The following USH2A variants were observed in gnomAD, a reference collection of about 807,000 sequenced individuals.
USH2A encodes usherin, also known as Usher syndrome 2A (autosomal recessive, mild).
In USH2A, 443 loss-of-function variants were observed where a neutral mutation model predicts 538.9. That is an observed-to-expected ratio of 0.82 (90% CI 0.76 to 0.89). The LOEUF is 0.89. USH2A is among the 40% of genes least tolerant of loss of function. The pLI, the probability that USH2A is intolerant of heterozygous loss-of-function variation, is 0.00. For missense variants in USH2A, 6,633 were observed against 6,324.8 expected (o/e 1.05, Z -1.65); for synonymous variants, 2,413 against 2,273.5 (o/e 1.06, Z -1.75).
intron 64 of USH2A, among the ~76,000 whole-genome samples, chr1:215,669,701 C>A (rs781549035): frequency 3.9e-5 from 6 of 152,074 alleles, no homozygotes; most frequent in African/African-American, 1.4e-4. Flanking sequence ...CTTGGAATTG[C>A]AAACAAGGGA....
At chr1:215,715,748 C>G (rs567776769) in intron 61 of USH2A, among the ~76,000 whole-genome samples, 16 of 152,278 alleles carry the variant, frequency 1.1e-4, no homozygotes, top group African/African-American at 3.6e-4. Context: ...CTGGCATTTA[C>G]TTGTTTTTTA....
At chr1:216,353,952 G>A (rs2038333791) in intron 4 of USH2A, among the ~76,000 whole-genome samples, 1 of 151,946 alleles carries the variant, frequency 6.6e-6, no homozygotes, top group Non-Finnish European at 1.5e-5. Flanking sequence ...CGAGACCCAG[G>A]GCTACTCCCA....
At chr1:216,131,792 C>T (rs1352138629) in intron 21 of USH2A, among the ~76,000 whole-genome samples, 2 of 152,002 alleles carry the variant, frequency 1.3e-5, no homozygotes, top group Middle Eastern at 3.4e-3. Context: ...TTTCTAAAAC[C>T]CCTTATAATG....
intron 21 of USH2A, among the ~76,000 whole-genome samples, chr1:216,112,844 C>A (rs974701670): frequency 4.6e-5 from 7 of 151,738 alleles, no homozygotes; most frequent in African/African-American, 9.7e-5. Context: ...TTTTCTTTAT[C>A]TAGTCTGTCA....
intron 44 of USH2A, among the ~76,000 whole-genome samples, chr1:215,855,500 A>C (rs1374985070): frequency 6.6e-6 from 1 of 152,212 alleles, no homozygotes; most frequent in Non-Finnish European, 1.5e-5. Flanking sequence ...GAAACCATAG[A>C]TGACACAAAT....
At chr1:216,192,758 T>C (rs1336377028) in intron 19 of USH2A, among the ~76,000 whole-genome samples, 1 of 151,994 alleles carries the variant, frequency 6.6e-6, no homozygotes, top group Non-Finnish European at 1.5e-5. Context: ...TTATTCCAGT[T>C]CAGCCATAAG....
chr1:216,141,501 A>T (rs1351419228), intron 21 of USH2A, among the ~76,000 whole-genome samples: 1 of 152,208 alleles, frequency 6.6e-6, no homozygotes, highest in East Asian at 1.9e-4. Context: ...ATTTGTGTGC[A>T]TGGTTGAGGG....
intron 34 of USH2A, among the ~76,000 whole-genome samples, chr1:215,996,385 A>G (rs2102479624): frequency 6.6e-6 from 1 of 152,306 alleles, no homozygotes; most frequent in South Asian, 2.1e-4. Flanking sequence ...CTTAGAATTC[A>G]TCAAGTTACA....
intron 38 of USH2A, among the ~76,000 whole-genome samples, chr1:215,923,583 T>G (rs2102490331): frequency 6.6e-6 from 1 of 152,172 alleles, no homozygotes; most frequent in Non-Finnish European, 1.5e-5. Context: ...TCCTCATTGG[T>G]CAGACCTGGT....
rs1160612914 is a variant in USH2A, at chr1:215,759,833, CA to C, written c.11057del (p.Val3686GlyfsTer32). ...TLQAAPEGVWVTPRHIIINST... is the reference protein window; with the variant it reads ...TLQAAPEGVWXTPRHIIINST... ...AATTGATGATAATGTGTCGAGGTGTCACCCAAACTCCTGGCAAGAATAACGC... is the reference window on the plus strand; with the variant it reads ...AATTGATGATAATGTGTCGAGGTGTCCCCAAACTCCTGGCAAGAATAACGC... On this transcript the variant is annotated frameshift_variant, in exon 57 of 72. Transcript: ENST00000307340. LOFTEE classifies it high-confidence loss of function. The C allele has an allele frequency of 6.2e-7, 1 of 1,613,932 alleles. No individual in the cohort carries two copies.
chr1:216,052,463 C>T (rs2030823717), intron 30 of USH2A, among the ~76,000 whole-genome samples: 1 of 151,942 alleles, frequency 6.6e-6, no homozygotes, highest in African/African-American at 2.4e-5. Context: ...GTAAATCACA[C>T]TTTCAAAAAA....
At chr1:216,025,728 C>T (rs1254186418) in intron 32 of USH2A, among the ~76,000 whole-genome samples, 1 of 151,956 alleles carries the variant, frequency 6.6e-6, no homozygotes, top group Non-Finnish European at 1.5e-5. Flanking sequence ...TTTTAAAAAC[C>T]ATGCTTAACT....
rs374167112 is a variant in USH2A, at chr1:216,126,158, A to G, written c.4628-28945T>C. Among the ~76,000 whole-genome samples, 14 of 152,314 alleles carry G rather than the reference A, an allele frequency of 9.2e-5. 1 individual carries two copies. Among genetic ancestry groups the G allele is most frequent in the Admixed American group, 3.3e-4 (5 of 15,294 alleles). On this transcript the variant is annotated intron_variant, in intron 21 of 71. Coordinates refer to ENST00000307340, the MANE Select transcript of USH2A (RefSeq NM_206933.4). The stretch of plus-strand genomic sequence containing the variant: ...CATGGAAGAGAGTGCCTAAATGCAC[A>G]TGAAACAATTGTAGGAGCTCTTCTT...
In USH2A at chr1:216,072,973, A is replaced by T; in HGVS notation, c.5777-4T>A. ...GCTATCACTCGATACAGGTATTCTT[A>T]AATGGAAATAAGATGCAGCAAGATT... On this transcript the variant is annotated splice_polypyrimidine_tract_variant and splice_region_variant and intron_variant, in intron 28 of 71. Coordinates refer to ENST00000307340, the MANE Select transcript of USH2A (RefSeq NM_206933.4). The T allele has an allele frequency of 1.2e-6, 2 of 1,613,968 alleles. No homozygotes were observed. The highest frequency in any genetic ancestry group is 2.2e-5 in the South Asian group (2 of 91,076).
rs1667321326 is a variant in USH2A, at chr1:215,965,528, T to C, written c.6958-49A>G. The C allele has an allele frequency of 1.9e-6, 3 of 1,599,728 alleles. No homozygotes were observed. In the African/African-American group the frequency reaches 4.0e-5, roughly 22 times the overall value. Reference sequence around the variant, plus strand: ...TTTGTTTGCAAATAAAATAAGTACATGCTTCGCTTTGAGCATATTTCTTCA... The same window carrying C: ...TTTGTTTGCAAATAAAATAAGTACACGCTTCGCTTTGAGCATATTTCTTCA... On this transcript the variant is annotated intron_variant, in intron 36 of 71. Transcript: ENST00000307340.
Position 215,890,214 on chromosome 1 carries a change from T to A in USH2A, c.7595-1160A>T, listed in dbSNP as rs75864252. The stretch of plus-strand genomic sequence containing the variant: ...CTGCCCACAGCAATTTTGACATTTA[T>A]GAGATTTTTCTGTGAACATTAGATT... On this transcript the variant is annotated intron_variant, in intron 40 of 71. Transcript: ENST00000307340. Among the ~76,000 whole-genome samples the A allele has an allele frequency of 8.4e-3, 1,284 of 152,336 alleles. 22 individuals carry two copies. The highest frequency in any genetic ancestry group is 0.029 in the African/African-American group (1,222 of 41,572).
At chr1:215,714,120 C>G (rs1255482332) in intron 61 of USH2A, among the ~76,000 whole-genome samples, 1 of 152,164 alleles carries the variant, frequency 6.6e-6, no homozygotes, top group Non-Finnish European at 1.5e-5. Flanking sequence ...ATGATGCTTT[C>G]TCAGTTTGAT....
At chr1:215,923,018 C>G (rs11120697) in intron 38 of USH2A, among the ~76,000 whole-genome samples, 76,782 of 151,798 alleles carry the variant, frequency 0.51, 20,553 homozygotes, top group East Asian at 0.68. Context: ...TCTCATGTGA[C>G]ATCCAGCTTA....
intron 2 of USH2A, among the ~76,000 whole-genome samples, chr1:216,419,589 A>T (rs1012473036): frequency 3.9e-5 from 6 of 151,988 alleles, no homozygotes; most frequent in Non-Finnish European, 8.8e-5. Context: ...CACTTAACAC[A>T]CTGTGCTGCC....
Sources: allele counts gnomAD v4.1 joint callset (sites outside exome capture counted in the v4.1 genomes callset), GRCh38; gene constraint gnomAD v4.1.1; transcripts MANE v1.5; gene names NCBI Gene and HGNC (gene_info 2026-07-23, HGNC 2026-07-21).